LRP1B: variants seen among roughly 807,000 people sequenced by gnomAD.
The protein encoded by LRP1B is LDL receptor related protein 1B, also known as low-density lipoprotein receptor-related protein 1B.
A neutral mutation model predicts 556.6 loss-of-function variants in LRP1B; 217 were observed. That is an observed-to-expected ratio of 0.39 (90% CI 0.35 to 0.44). The LOEUF (loss-of-function observed/expected upper bound fraction) is 0.44, where lower values mean the gene tolerates loss of function less well. Ranked by LOEUF, LRP1B falls within the 20% of genes least tolerant of loss-of-function variation. The probability of loss-of-function intolerance (pLI) is 1.00; values close to 1 mark genes in which losing one functional copy is unlikely to be tolerated. For synonymous variants in LRP1B, 2,047 were observed against 1,865.8 expected, an observed-to-expected ratio of 1.10 and a Z score of -2.50; for missense variants, 5,053 against 5,620.8, an observed-to-expected ratio of 0.90 and a Z score of 3.23.
intron 1 of LRP1B, among the ~76,000 whole-genome samples, chr2:141,838,215 G>A (rs557719579): frequency 6.6e-6 from 1 of 151,818 alleles, no homozygotes; most frequent in East Asian, 2.0e-4. Flanking sequence ...TGAAGACATA[G>A]ACATGACAAC....
rs111774305 is a variant in LRP1B at position 141,321,784 on chromosome 2, A to T, written c.344-67143T>A. On this transcript the variant is annotated intron_variant, in intron 3 of 90. Transcript: ENST00000389484. Reference sequence around the variant, plus strand: ...AGATAATATAAAAGTGAAATACAAAAACTTATATTTTAAATTTGTAGTTTA... The same window carrying T: ...AGATAATATAAAAGTGAAATACAAATACTTATATTTTAAATTTGTAGTTTA... Among the ~76,000 whole-genome samples the T allele has an allele frequency of 8.6e-3, 1,316 of 152,240 alleles. 21 individuals are homozygous for T. The highest frequency in any genetic ancestry group is 0.03 in the African/African-American group (1,245 of 41,560).
chr2:141,249,620 C>CAGAAAGAA (rs35927316), intron 4 of LRP1B, among the ~76,000 whole-genome samples: 29 of 150,960 alleles, frequency 1.9e-4, no homozygotes, highest in African/African-American at 3.6e-4. Flanking sequence ...AATAATAAAA[C>CAGAAAGAA]AGAAAGAAAG....
intron 41 of LRP1B, among the ~76,000 whole-genome samples, chr2:140,647,386 G>T (rs1413798769): frequency 6.6e-6 from 1 of 152,030 alleles, no homozygotes; most frequent in Non-Finnish European, 1.5e-5. Context: ...ACATCTATGT[G>T]TCAGAGTTTC....
chr2:140,352,757 T>C (rs888396063), intron 76 of LRP1B, among the ~76,000 whole-genome samples, 196 bp downstream of exon 76: 3 of 152,130 alleles, frequency 2.0e-5, no homozygotes, highest in Non-Finnish European at 2.9e-5. Flanking sequence ...AGTAACCATA[T>C]ATTTCATAGT....
At chr2:141,368,515 T>C (rs1417999196) in intron 3 of LRP1B, among the ~76,000 whole-genome samples, 1 of 152,190 alleles carries the variant, frequency 6.6e-6, no homozygotes, top group Non-Finnish European at 1.5e-5. Flanking sequence ...ACAGAAAATA[T>C]CACAGATAAA....
At chr2:141,866,038 G>A (rs756390878) in intron 1 of LRP1B, among the ~76,000 whole-genome samples, 11 of 152,252 alleles carry the variant, frequency 7.2e-5, no homozygotes, top group Non-Finnish European at 1.0e-4. Flanking sequence ...TCACTGAGCA[G>A]AGCTGGAGAA....
chr2:141,661,109 C>G (rs927107898), intron 2 of LRP1B, among the ~76,000 whole-genome samples: 2 of 152,144 alleles, frequency 1.3e-5, no homozygotes, highest in Admixed American at 1.3e-4. Flanking sequence ...TTAAAAGAAA[C>G]AAACAAACAG....
At chr2:141,795,237 T>A (rs1695763100) in intron 2 of LRP1B, among the ~76,000 whole-genome samples, 1 of 152,126 alleles carries the variant, frequency 6.6e-6, no homozygotes, top group Non-Finnish European at 1.5e-5. Flanking sequence ...TTCTGTAAGT[T>A]AAGCAAGGTG....
chr2:140,652,771 C>A (rs1684735871), intron 41 of LRP1B, among the ~76,000 whole-genome samples: 1 of 151,916 alleles, frequency 6.6e-6, no homozygotes, highest in East Asian at 1.9e-4. Context: ...ACATGCCAAT[C>A]CAACTAAAAA....
At chr2:140,579,064 GA>G (rs565580440) in intron 43 of LRP1B, among the ~76,000 whole-genome samples, 1 of 151,840 alleles carries the variant, frequency 6.6e-6, no homozygotes, top group South Asian at 2.1e-4. Context: ...GACAAAGAAA[GA>G]AAAAAAGAGG....
chr2:140,903,552 T>C (rs1694163358), intron 22 of LRP1B, among the ~76,000 whole-genome samples: 1 of 152,198 alleles, frequency 6.6e-6, no homozygotes, highest in South Asian at 2.1e-4. Context: ...CATACCATGA[T>C]GATCTTAATA....
intron 1 of LRP1B, among the ~76,000 whole-genome samples, chr2:142,115,564 AATATATATTATATATG>A (rs1707186828): frequency 2.4e-5 from 1 of 40,998 alleles, no homozygotes; most frequent in African/African-American, 9.7e-5. Context: ...TTATATATGT[AATATATATTATATATG>A]TAATATATAT....
At chr2:141,220,401 C>T (rs1246241944) in intron 6 of LRP1B, among the ~76,000 whole-genome samples, 1 of 151,934 alleles carries the variant, frequency 6.6e-6, no homozygotes, top group South Asian at 2.1e-4. Flanking sequence ...ACAAACAAAA[C>T]ATGAGAACTA....
rs141195998 is a variant in LRP1B at position 141,843,735 on chromosome 2, C to T, written c.83-33334G>A. ...CCAATATAACAGTTTAACAAGACGG[C>T]AAAGCATATTCCATTGTGCTACAAA... On this transcript the variant is annotated intron_variant, in intron 1 of 90. Transcript: ENST00000389484. 3.5e-4 allele frequency among the ~76,000 whole-genome samples: 54 copies of T among 152,258 alleles called. 1 individual carries two copies. In the East Asian group the frequency reaches 0.01, roughly 29 times the overall value.
At chr2:141,525,755 A>G (rs952395378) in intron 2 of LRP1B, among the ~76,000 whole-genome samples, 1 of 152,000 alleles carries the variant, frequency 6.6e-6, no homozygotes, top group African/African-American at 2.4e-5. Context: ...ACAACTTTAC[A>G]TATATTTAGT....
At chr2:140,266,144 T>C (rs972072959) in intron 86 of LRP1B, among the ~76,000 whole-genome samples, 1 of 152,020 alleles carries the variant, frequency 6.6e-6, no homozygotes, top group Admixed American at 6.6e-5. Context: ...TACTGTTTTT[T>C]TTTGTTTAAT....
chr2:140,873,679 T>G (rs1160153484), intron 25 of LRP1B, among the ~76,000 whole-genome samples: 1 of 151,918 alleles, frequency 6.6e-6, no homozygotes, highest in East Asian at 1.9e-4. Flanking sequence ...ATTAGGTAAA[T>G]GTAATGGGAT....
At chr2:141,726,645 C>T (rs1379805236) in intron 2 of LRP1B, among the ~76,000 whole-genome samples, 1 of 151,924 alleles carries the variant, frequency 6.6e-6, no homozygotes, top group African/African-American at 2.4e-5. Flanking sequence ...TTGTAACTAT[C>T]CAGAGAGTAC....
intron 66 of LRP1B, among the ~76,000 whole-genome samples, chr2:140,427,284 C>T (rs112513064): frequency 3.3e-5 from 5 of 152,230 alleles, no homozygotes; most frequent in South Asian, 4.1e-4. Flanking sequence ...ATTGCGAGGA[C>T]GCCTGCTTTG....
Sources: gnomAD v4.1 joint callset for allele counts (sites outside exome capture counted in the v4.1 genomes callset) on GRCh38, gnomAD v4.1.1 for gene constraint, MANE v1.5 for transcripts, NCBI Gene and HGNC (gene_info 2026-07-23, HGNC 2026-07-21) for gene names.